The following RNF220 variants were observed in gnomAD, a reference collection of about 807,000 sequenced individuals.
RNF220 encodes the protein E3 ubiquitin-protein ligase RNF220.
A neutral mutation model predicts 67.1 loss-of-function variants in RNF220; 7 were observed. The observed-to-expected ratio is 0.10, with a 90% CI of 0.06 to 0.20. The LOEUF (loss-of-function observed/expected upper bound fraction) is 0.20. Among genes scored for constraint, RNF220 ranks in the 10% least tolerant of loss-of-function variants. RNF220 has a pLI of 1.00. For missense variants in RNF220, 565 were observed against 740.3 expected (o/e 0.76, Z 2.75); for synonymous variants, 270 against 283.2 (o/e 0.95, Z 0.47).
At chr1:44,463,709 A>G (rs1654007291) in intron 2 of RNF220, among the ~76,000 whole-genome samples, 1 of 152,158 alleles carries the variant, frequency 6.6e-6, no homozygotes, top group Admixed American at 6.5e-5. Flanking sequence ...GCTTCCATGT[A>G]GACATTTTAG....
chr1:44,619,718 T>C (rs72671943), intron 3 of RNF220, among the ~76,000 whole-genome samples: 9,391 of 152,172 alleles, frequency 0.062, 702 homozygotes, highest in African/African-American at 0.17. Context: ...TAGGGAGGGA[T>C]GAAGGCAGAG....
intron 2 of RNF220, among the ~76,000 whole-genome samples, chr1:44,418,357 T>C (rs942603795): frequency 1.3e-5 from 2 of 152,212 alleles, no homozygotes; most frequent in Non-Finnish European, 2.9e-5. Flanking sequence ...CCCCCAGGAC[T>C]CTGAGGCTTC....
At chr1:44,522,488 G>A (rs907055891) in intron 2 of RNF220, among the ~76,000 whole-genome samples, 6 of 152,266 alleles carry the variant, frequency 3.9e-5, no homozygotes, top group South Asian at 2.1e-4. Context: ...GGTAAAAGTC[G>A]AACTGGTCAC....
chr1:44,533,221 T>A (rs890133408), intron 2 of RNF220, among the ~76,000 whole-genome samples: 4 of 152,180 alleles, frequency 2.6e-5, no homozygotes, highest in African/African-American at 9.7e-5. Context: ...CTGGGCATGG[T>A]GGCTCACGCC....
intron 2 of RNF220, among the ~76,000 whole-genome samples, chr1:44,589,556 G>C (rs562102996): frequency 2.9e-5 from 4 of 138,856 alleles, no homozygotes; most frequent in Non-Finnish European, 6.4e-5. Context: ...GGAGCTTGCA[G>C]TGAGCTGAGA....
intron 2 of RNF220, among the ~76,000 whole-genome samples, chr1:44,545,311 G>A (rs564174132): frequency 6.6e-6 from 1 of 152,030 alleles, no homozygotes; most frequent in Non-Finnish European, 1.5e-5. Flanking sequence ...TTGAAGGGAG[G>A]TTTGAAAGGA....
intron 12 of RNF220, chr1:44,648,885 TG>T (rs1161159502): frequency 6.6e-6 from 1 of 152,430 alleles, no homozygotes; most frequent in African/African-American, 2.4e-5. Flanking sequence ...TACACTGCTG[TG>T]GTGGAGTTCA....
chr1:44,496,779 GTCC>G (rs1423297462), intron 2 of RNF220, among the ~76,000 whole-genome samples: 1 of 152,092 alleles, frequency 6.6e-6, no homozygotes, highest in Admixed American at 6.6e-5. Flanking sequence ...CAGCCTCCCC[GTCC>G]TCCTAGCAAG....
At chr1:44,588,903 C>A (rs943857589) in intron 2 of RNF220, among the ~76,000 whole-genome samples, 4 of 152,236 alleles carry the variant, frequency 2.6e-5, no homozygotes, top group African/African-American at 9.6e-5. Flanking sequence ...TCAGGCCTCT[C>A]CTGCCATGAA....
In RNF220 at chr1:44,651,077, C is replaced by T. The variant is rs1644776560; in HGVS notation, c.*302C>T. On this transcript the variant is annotated 3_prime_UTR_variant, in exon 15 of 15. Transcript: ENST00000361799. Reference sequence around the variant, plus strand: ...TTGGGGGAGTAGTGGGGCACGGCTCCTAAGATCCAGCCCCCATACTGACAG... The same window carrying T: ...TTGGGGGAGTAGTGGGGCACGGCTCTTAAGATCCAGCCCCCATACTGACAG... The T allele has an allele frequency of 4.5e-6, 2 of 446,958 alleles. No homozygotes were observed. The highest frequency in any genetic ancestry group is 4.4e-5 in the East Asian group (1 of 22,534). 27.7% of individuals were successfully genotyped at this position (446,958 alleles called of 1,614,324 possible).
chr1:44,509,885 C>G (rs4601623), intron 2 of RNF220, among the ~76,000 whole-genome samples: 1 of 106,100 alleles, frequency 9.4e-6, no homozygotes, highest in Non-Finnish European at 1.8e-5. Flanking sequence ...AGACCCTGTC[C>G]AAAAAAAAAA....
At chr1:44,413,494 T>C (rs1443484296) in intron 2 of RNF220, among the ~76,000 whole-genome samples, 43 of 152,236 alleles carry the variant, frequency 2.8e-4, no homozygotes, top group Admixed American at 1.3e-4. Context: ...GCTACACTTA[T>C]AGCTGGAACT....
At chr1:44,492,258 G>A (rs1444057976) in intron 2 of RNF220, among the ~76,000 whole-genome samples, 2 of 152,168 alleles carry the variant, frequency 1.3e-5, no homozygotes, top group Non-Finnish European at 2.9e-5. Context: ...CAAAAAGTCA[G>A]ATAATAGCAA....
chr1:44,558,084 A>G (rs1663260540), intron 2 of RNF220, among the ~76,000 whole-genome samples: 1 of 152,214 alleles, frequency 6.6e-6, no homozygotes. Context: ...AACTGTCTAA[A>G]TGAAGAAGGA....
chr1:44,493,331 T>A (rs573645549), intron 2 of RNF220, among the ~76,000 whole-genome samples: 139 of 152,126 alleles, frequency 9.1e-4, no homozygotes, highest in Admixed American at 2.0e-3. Context: ...CTGGCCAACA[T>A]GGTAAAACTC....
intron 2 of RNF220, among the ~76,000 whole-genome samples, chr1:44,524,937 A>G (rs1660247818): frequency 6.6e-6 from 1 of 152,174 alleles, no homozygotes; most frequent in Non-Finnish European, 1.5e-5. Flanking sequence ...GTTATAAAAC[A>G]CACTGTGACT....
chr1:44,415,024 CT>C (rs2147814132), intron 2 of RNF220, among the ~76,000 whole-genome samples: 1 of 148,688 alleles, frequency 6.7e-6, no homozygotes, highest in South Asian at 2.2e-4. Flanking sequence ...TACTCCCTTC[CT>C]TACCTTAGGT....
At chr1:44,611,811 C>T (rs1419891390) in intron 2 of RNF220, among the ~76,000 whole-genome samples, 3 of 152,162 alleles carry the variant, frequency 2.0e-5, no homozygotes, top group Admixed American at 2.0e-4. Flanking sequence ...TAGAATAATA[C>T]CTGACGTAGA....
chr1:44,408,541 A>AC (rs1328442020), intron 1 of RNF220, among the ~76,000 whole-genome samples: 2 of 151,234 alleles, frequency 1.3e-5, no homozygotes, highest in African/African-American at 2.4e-5. Context: ...GTTCTTAACA[A>AC]CCCCCCACTA....
Sources: allele counts gnomAD v4.1 joint callset (sites outside exome capture counted in the v4.1 genomes callset), GRCh38; gene constraint gnomAD v4.1.1; transcripts MANE v1.5; gene names NCBI Gene and HGNC (gene_info 2026-07-23, HGNC 2026-07-21).